The following KCNMA1 variants were observed in gnomAD, a reference collection of about 807,000 sequenced individuals.
KCNMA1 encodes Calcium-activated potassium channel subunit alpha-1.
In KCNMA1, 29 loss-of-function variants were observed where a neutral mutation model predicts 140.0. The observed-to-expected ratio is 0.21, with a 90% confidence interval of 0.15 to 0.28. KCNMA1 has a LOEUF of 0.28. Ranked by LOEUF, KCNMA1 falls within the 10% of genes least tolerant of loss-of-function variation. The pLI, the probability that KCNMA1 is intolerant of heterozygous loss-of-function variation, is 1.00. For missense variants in KCNMA1, 880 were observed against 1,602.2 expected, an observed-to-expected ratio of 0.55 and a Z score of 7.70; for synonymous variants, 612 against 611.9, an observed-to-expected ratio of 1.00 and a Z score of 0.00.
chr10:77,577,413 C>T (rs557450599), intron 1 of KCNMA1, among the ~76,000 whole-genome samples: 3 of 152,252 alleles, frequency 2.0e-5, no homozygotes, highest in African/African-American at 7.2e-5. Flanking sequence ...AGATGAGGCA[C>T]TTAACTTGCC....
At chr10:77,250,094 T>C (rs1268864254) in intron 3 of KCNMA1, 3 of 152,202 alleles carry the variant, frequency 2.0e-5, no homozygotes, top group African/African-American at 7.2e-5. Flanking sequence ...CAGATGGCTC[T>C]GAGAAATTCT....
exon 28 of KCNMA1, chr10:76,869,797 A>G (rs2030855394): frequency 6.6e-6 from 1 of 152,640 alleles, no homozygotes; most frequent in African/African-American, 2.4e-5. Flanking sequence ...GTAATTAATC[A>G]TAATCATAAT....
At chr10:77,239,653 A>C (rs1347894367) in intron 3 of KCNMA1, among the ~76,000 whole-genome samples, 1 of 152,194 alleles carries the variant, frequency 6.6e-6, no homozygotes, top group Non-Finnish European at 1.5e-5. Flanking sequence ...AGGGCCATCT[A>C]CTTCCTACTT....
At chr10:77,049,367 T>C (rs180915431) in intron 14 of KCNMA1, among the ~76,000 whole-genome samples, 9 of 152,324 alleles carry the variant, frequency 5.9e-5, no homozygotes, top group African/African-American at 1.7e-4. Context: ...CCATGTGGGC[T>C]GAATGAGATG....
chr10:77,603,979 G>A (rs765907128), intron 1 of KCNMA1, among the ~76,000 whole-genome samples: 8 of 152,172 alleles, frequency 5.3e-5, no homozygotes, highest in Admixed American at 2.0e-4. Context: ...TGCTCACAAC[G>A]GTGCCTGACA....
intron 5 of KCNMA1, among the ~76,000 whole-genome samples, chr10:77,163,862 TCTC>T (rs1189386543): frequency 1.3e-5 from 2 of 152,098 alleles, no homozygotes; most frequent in Non-Finnish European, 2.9e-5. Flanking sequence ...ACATGTGTCT[TCTC>T]CTCATGTGAC....
chr10:77,596,736 T>C (rs72813416), intron 1 of KCNMA1, among the ~76,000 whole-genome samples: 5,400 of 152,288 alleles, frequency 0.035, 140 homozygotes, highest in Non-Finnish European at 0.058. Flanking sequence ...ATAATGCAAA[T>C]AACACAGCAA....
chr10:77,333,378 AAGAG>A (rs2087367381), intron 2 of KCNMA1, among the ~76,000 whole-genome samples: 10 of 145,926 alleles, frequency 6.9e-5, no homozygotes, highest in African/African-American at 2.1e-4. Flanking sequence ...AAAAGAAAGA[AAGAG>A]AGAAAGAAAG....
At chr10:77,169,477 C>T (rs577823384) in intron 5 of KCNMA1, among the ~76,000 whole-genome samples, 1 of 152,054 alleles carries the variant, frequency 6.6e-6, no homozygotes, top group East Asian at 1.9e-4. Context: ...GTAGCTTCAA[C>T]CTCCAAGGCT....
chr10:77,162,587 C>T (rs140443632), intron 5 of KCNMA1, among the ~76,000 whole-genome samples: 17 of 152,232 alleles, frequency 1.1e-4, no homozygotes, highest in African/African-American at 3.6e-4. Flanking sequence ...CTGGAAGACC[C>T]GAGCCAAAAG....
chr10:77,260,193 A>G (rs899308148), intron 2 of KCNMA1, among the ~76,000 whole-genome samples: 1 of 152,154 alleles, frequency 6.6e-6, no homozygotes, highest in Admixed American at 6.5e-5. Context: ...GATAGCAAGG[A>G]CAGTCCTGCA....
intron 17 of KCNMA1, among the ~76,000 whole-genome samples, chr10:77,012,839 T>C (rs1204292600): frequency 6.6e-6 from 1 of 152,192 alleles, no homozygotes; most frequent in Non-Finnish European, 1.5e-5. Flanking sequence ...TGAATGTCCA[T>C]AGGTGATTCC....
At chr10:77,027,215 C>T (rs1298533297) in intron 16 of KCNMA1, among the ~76,000 whole-genome samples, 1 of 152,180 alleles carries the variant, frequency 6.6e-6, no homozygotes, top group African/African-American at 2.4e-5. Flanking sequence ...TCTATTTCAA[C>T]CAGACCCAGT....
At chr10:77,506,707 CGAGA>C (rs140333440) in intron 1 of KCNMA1, among the ~76,000 whole-genome samples, 3 of 42,122 alleles carry the variant, frequency 7.1e-5, no homozygotes, top group Non-Finnish European at 1.3e-4. Context: ...AGAGATGTTC[CGAGA>C]GAGAGAGAGA....
intron 5 of KCNMA1, among the ~76,000 whole-genome samples, chr10:77,178,726 A>T (rs2098776054): frequency 6.6e-6 from 1 of 152,188 alleles, no homozygotes; most frequent in Admixed American, 6.5e-5. Flanking sequence ...AAACAAAAAA[A>T]CATACACACA....
intron 5 of KCNMA1, among the ~76,000 whole-genome samples, chr10:77,178,478 G>A (rs1399232520): frequency 6.6e-6 from 1 of 152,072 alleles, no homozygotes; most frequent in Non-Finnish European, 1.5e-5. Context: ...AGGCTGAGGC[G>A]GGTAGATCAC....
At chr10:77,375,440 G>A (rs1447607462) in intron 2 of KCNMA1, among the ~76,000 whole-genome samples, 1 of 152,118 alleles carries the variant, frequency 6.6e-6, no homozygotes, top group African/African-American at 2.4e-5. Flanking sequence ...TATCTCCTAG[G>A]AGTGACAAGG....
Position 76,885,196 on chromosome 10 carries a change from T to G in KCNMA1, c.*2070A>C. The G allele has an allele frequency of 1.5e-6, 1 of 653,716 alleles. No individual in the cohort carries two copies. The highest frequency in any genetic ancestry group is 1.9e-6 in the Non-Finnish European group (1 of 515,932). 40.5% of individuals were successfully genotyped at this position (653,716 alleles called of 1,614,324 possible). A position where few individuals can be genotyped will look rare whatever the true frequency, so the allele number is the denominator to read the frequency against. The stretch of plus-strand genomic sequence containing the variant: ...TCATGATCCAATACTAGGGGATACA[T>G]ATATATAGTTATATATATAGTTATA... On this transcript the variant is annotated 3_prime_UTR_variant, in exon 28 of 28. Transcript: ENST00000286628.
intron 2 of KCNMA1, chr10:77,355,247 CT>C: frequency 6.3e-6 from 1 of 158,898 alleles, no homozygotes; most frequent in Non-Finnish European, 1.4e-5. Flanking sequence ...AATTTAACCT[CT>C]TTTTCTTCAC....
Sources: gnomAD v4.1 joint callset for allele counts (sites outside exome capture counted in the v4.1 genomes callset) on GRCh38, gnomAD v4.1.1 for gene constraint, MANE v1.5 for transcripts, NCBI Gene and HGNC (gene_info 2026-07-23, HGNC 2026-07-21) for gene names.